The following KLHL29 variants were observed in gnomAD, a reference collection of about 807,000 sequenced individuals.
The protein encoded by KLHL29 is kelch like family member 29.
In KLHL29, 21 loss-of-function variants were observed where a neutral mutation model predicts 80.4. The ratio of observed to expected loss-of-function variants is 0.26; its 90% CI spans 0.19 to 0.38. The LOEUF (loss-of-function observed/expected upper bound fraction) is 0.38, where lower values mean the gene tolerates loss of function less well. Ranked by LOEUF, KLHL29 falls within the 10% of genes least tolerant of loss-of-function variation. The probability of loss-of-function intolerance (pLI) is 1.00; values close to 1 mark genes in which losing one functional copy is unlikely to be tolerated. For synonymous variants in KLHL29, 511 were observed against 526.8 expected, an observed-to-expected ratio of 0.97 and a Z score of 0.41; for missense variants, 867 against 1,223.9, an observed-to-expected ratio of 0.71 and a Z score of 4.35.
chr2:23,597,303 A>ATGTGTGTGTGTG lies in KLHL29; in HGVS notation c.285+34823_285+34824insGTGTGTGTGTGT, dbSNP rs1178808276. Among the ~76,000 whole-genome samples, 149 of 82,188 alleles carry ATGTGTGTGTGTG rather than the reference A, an allele frequency of 1.8e-3. No homozygotes were observed. The East Asian group carries it at 0.022, about 12-fold the overall frequency. 53.9% of individuals were successfully genotyped at this position (82,188 alleles called of 152,430 possible). ...ATCTATCTCTCTCTCTCTCATATAT[A>ATGTGTGTGTGTG]TATATATGTGTGTGTGTGTGTGTGT... On this transcript the variant is annotated intron_variant, in intron 3 of 13. Transcript: ENST00000486442.
chr2:23,463,350 ACAT>A (rs1241085124), intron 1 of KLHL29, among the ~76,000 whole-genome samples: 4 of 152,104 alleles, frequency 2.6e-5, no homozygotes, highest in Admixed American at 6.6e-5. Context: ...AATTTATACT[ACAT>A]CATATTTGTG....
intron 1 of KLHL29, among the ~76,000 whole-genome samples, chr2:23,396,859 C>T (rs995897095): frequency 7.9e-5 from 12 of 152,134 alleles, no homozygotes; most frequent in African/African-American, 4.8e-5. Flanking sequence ...CCTTTTTCTA[C>T]GATGATTCTC....
chr2:23,468,354 G>A (rs975295371), intron 1 of KLHL29, among the ~76,000 whole-genome samples: 3 of 152,150 alleles, frequency 2.0e-5, no homozygotes, highest in Admixed American at 1.3e-4. Flanking sequence ...GTGGTGCTGT[G>A]CAGACCAGGA....
chr2:23,547,572 C>T (rs1572392874), intron 2 of KLHL29, among the ~76,000 whole-genome samples: 1 of 151,970 alleles, frequency 6.6e-6, no homozygotes, highest in Non-Finnish European at 1.5e-5. Flanking sequence ...AGAAAGTGTT[C>T]GCTTTCCGTA....
chr2:23,506,917 C>G (rs1665615121), intron 2 of KLHL29: 1 of 197,752 alleles, frequency 5.1e-6, no homozygotes, highest in Non-Finnish European at 1.1e-5. Flanking sequence ...TCTTCCAGAG[C>G]TGCATAGCCT....
intron 1 of KLHL29, among the ~76,000 whole-genome samples, chr2:23,439,848 A>T (rs1021248199): frequency 1.8e-4 from 27 of 151,254 alleles, no homozygotes; most frequent in African/African-American, 6.3e-4. Flanking sequence ...AGAGCTGAGT[A>T]CAATTCCTGG....
chr2:23,605,349 C>T (rs1668681385), intron 3 of KLHL29, among the ~76,000 whole-genome samples: 1 of 151,934 alleles, frequency 6.6e-6, no homozygotes, highest in Admixed American at 6.6e-5. Flanking sequence ...CCTCCCACCT[C>T]GGCCTCCCAA....
intron 5 of KLHL29, among the ~76,000 whole-genome samples, chr2:23,674,638 C>T (rs1012800146): frequency 1.3e-5 from 2 of 152,198 alleles, no homozygotes; most frequent in Non-Finnish European, 2.9e-5. Context: ...AAACACAGTT[C>T]TTCCACATGA....
chr2:23,401,685 T>TG (rs1182743571), intron 1 of KLHL29, among the ~76,000 whole-genome samples: 1 of 152,238 alleles, frequency 6.6e-6, no homozygotes, highest in Admixed American at 6.5e-5. Context: ...CCTGAAGTAG[T>TG]GGGAGGGGCA....
At chr2:23,613,297 T>A (rs950995085) in intron 3 of KLHL29, among the ~76,000 whole-genome samples, 4 of 152,108 alleles carry the variant, frequency 2.6e-5, no homozygotes, top group Non-Finnish European at 5.9e-5. Flanking sequence ...AAATTCTCAC[T>A]CTATGCTATT....
At chr2:23,443,685 A>C (rs1009262689) in intron 1 of KLHL29, among the ~76,000 whole-genome samples, 1 of 152,224 alleles carries the variant, frequency 6.6e-6, no homozygotes, top group Non-Finnish European at 1.5e-5. Context: ...TTTTCGTAAG[A>C]ATATTTTTAT....
Position 23,680,851 on chromosome 2 carries a change from A to C in KLHL29, c.941-3548A>C, listed in dbSNP as rs1671066182. ...ATCATCTTCTCCCGCAGAATCCTGG[A>C]GCAGGATAGTGCAGGGTGCCAGGTG... is the stretch of plus-strand genomic sequence containing the variant. On this transcript the variant is annotated intron_variant, in intron 5 of 13. Coordinates refer to ENST00000486442, the MANE Select transcript of KLHL29 (RefSeq NM_052920.2). The surrounding 1 kb of genome is among the most constrained non-coding windows in gnomAD (Gnocchi z 4.1). 6.6e-6 allele frequency among the ~76,000 whole-genome samples: 1 copy of C among 151,970 alleles called. No individual in the cohort carries two copies. The highest frequency in any genetic ancestry group is 6.5e-5 in the Admixed American group (1 of 15,268).
intron 5 of KLHL29, among the ~76,000 whole-genome samples, chr2:23,678,239 C>T (rs1422194577): frequency 2.0e-5 from 3 of 152,218 alleles, no homozygotes; most frequent in African/African-American, 7.2e-5. Flanking sequence ...GAGCCTCTTC[C>T]AGTCCCCATT....
At position 23,707,963 on chromosome 2, in the gene KLHL29, G is replaced by C. The variant is rs779495418; in HGVS notation, c.*1299G>C. On this transcript the variant is annotated 3_prime_UTR_variant, in exon 14 of 14. Transcript: ENST00000486442. ...GTCCTTAGCCCCTCAAACCTCACAC[G>C]GTCAACAGTTTCCATTCCAGGGCAG... 1.2e-4 allele frequency: 19 copies of C among 152,200 alleles called. No individual in the cohort carries two copies. Among genetic ancestry groups the C allele is most frequent in the Non-Finnish European group, 2.4e-4 (16 of 68,034 alleles). The allele number at this position is 152,200 out of a possible 1,614,324, so 9.4% of individuals were successfully genotyped here. A position where few individuals can be genotyped will look rare whatever the true frequency, so the allele number is the denominator to read the frequency against.
chr2:23,404,208 G>A lies in KLHL29; in HGVS notation c.-154+18428G>A, dbSNP rs140469192. ...ATTTTATTATTTTCAATTGCTGCCC[G>A]TCAATCTCAGGTGATGGTTCCCTGG... On this transcript the variant is annotated intron_variant, in intron 1 of 13. Coordinates refer to ENST00000486442, the MANE Select transcript of KLHL29 (RefSeq NM_052920.2). Among the ~76,000 whole-genome samples the A allele has an allele frequency of 5.4e-3, 814 of 152,038 alleles. 11 individuals are homozygous for A. Among genetic ancestry groups the A allele is most frequent in the African/African-American group, 0.019 (772 of 41,432 alleles).
intron 3 of KLHL29, among the ~76,000 whole-genome samples, chr2:23,597,995 A>C (rs1668471403): frequency 6.6e-6 from 1 of 152,120 alleles, no homozygotes; most frequent in Admixed American, 6.5e-5. Context: ...CCATCCAGGG[A>C]ACACTTGGTT....
At chr2:23,628,777 C>T (rs969577129) in intron 3 of KLHL29, among the ~76,000 whole-genome samples, 3 of 152,204 alleles carry the variant, frequency 2.0e-5, no homozygotes, top group African/African-American at 7.2e-5. Context: ...GTACAGGGGA[C>T]TTTTCCTCAC....
At chr2:23,393,115 G>A (rs1466383773) in intron 1 of KLHL29, among the ~76,000 whole-genome samples, 2 of 152,152 alleles carry the variant, frequency 1.3e-5, no homozygotes, top group African/African-American at 4.8e-5. Flanking sequence ...TCGCTGACCC[G>A]GGCTTGTTCA....
At chr2:23,386,323 G>A (rs1171032776) in intron 1 of KLHL29, among the ~76,000 whole-genome samples, 1 of 152,178 alleles carries the variant, frequency 6.6e-6, no homozygotes, top group Non-Finnish European at 1.5e-5. Context: ...TCTCGCATTT[G>A]GGGACTGGGT....
Sources: allele counts gnomAD v4.1 joint callset (sites outside exome capture counted in the v4.1 genomes callset), GRCh38; gene constraint gnomAD v4.1.1; non-coding constraint Gnocchi (gnomAD v3.1); transcripts MANE v1.5; gene names NCBI Gene and HGNC (gene_info 2026-07-23, HGNC 2026-07-21).